TIMP3: variants seen among roughly 807,000 people sequenced by gnomAD.
The protein encoded by TIMP3 is metalloproteinase inhibitor 3.
A neutral mutation model predicts 30.0 loss-of-function variants in TIMP3; 11 were observed. That is an observed-to-expected ratio of 0.37 (90% confidence interval 0.23 to 0.61). TIMP3 has a LOEUF of 0.61. TIMP3 is among the 20% of genes least tolerant of loss of function. The probability of loss-of-function intolerance (pLI) is 0.70; values close to 1 mark genes in which losing one functional copy is unlikely to be tolerated. For synonymous variants in TIMP3, 112 were observed against 111.3 expected, an observed-to-expected ratio of 1.01 and a Z score of -0.04; for missense variants, 181 against 276.8, an observed-to-expected ratio of 0.65 and a Z score of 2.45.
At chr22:32,822,396 C>T (rs941237124) in intron 1 of TIMP3, among the ~76,000 whole-genome samples, 3 of 152,172 alleles carry the variant, frequency 2.0e-5, no homozygotes, top group African/African-American at 4.8e-5. Context: ...CTGGGACTTG[C>T]ACTTCCTATC....
intron 1 of TIMP3, among the ~76,000 whole-genome samples, chr22:32,814,107 CGTGTGTGTGTGT>C (rs130279): frequency 1.8e-4 from 18 of 97,724 alleles, no homozygotes; most frequent in Middle Eastern, 5.2e-3. Flanking sequence ...AGGCAATACT[CGTGTGTGTGTGT>C]GTGTGTGTGT....
At chr22:32,854,163 A>G (rs993279694) in intron 2 of TIMP3, among the ~76,000 whole-genome samples, 1 of 152,214 alleles carries the variant, frequency 6.6e-6, no homozygotes, top group African/African-American at 2.4e-5. Flanking sequence ...ATTACACAGA[A>G]AACACAACTG....
chr22:32,852,192 TA>T (rs2048236992), intron 2 of TIMP3, among the ~76,000 whole-genome samples: 1 of 152,188 alleles, frequency 6.6e-6, no homozygotes, highest in African/African-American at 2.4e-5. Context: ...ATATAACTGT[TA>T]AGATTATATG....
At chr22:32,842,280 T>C (rs190840650) in intron 1 of TIMP3, among the ~76,000 whole-genome samples, 278 of 152,268 alleles carry the variant, frequency 1.8e-3, no homozygotes, top group Non-Finnish European at 3.2e-3. Context: ...AGGGTTTTTT[T>C]GGGAGTTGGG....
At position 32,809,540 on chromosome 22, in the gene TIMP3, A is replaced by T. The variant is rs12157908; in HGVS notation, c.121+7418A>T. Among the ~76,000 whole-genome samples, 96 of 152,226 alleles carry T rather than the reference A, an allele frequency of 6.3e-4. 1 individual carries two copies. Among genetic ancestry groups the T allele is most frequent in the African/African-American group, 2.2e-3 (93 of 41,550 alleles). On this transcript the variant is annotated intron_variant, in intron 1 of 4. Coordinates refer to ENST00000266085, the MANE Select transcript of TIMP3 (RefSeq NM_000362.5). ...ACTTTTCAACACTATGGAATTTTTT[A>T]AAATTAATTTTTCCCTCCAATAAGT...
chr22:32,849,420 T>C (rs373242482), intron 1 of TIMP3, 32 bp from the exon 2 acceptor site: 8 of 1,605,866 alleles, frequency 5.0e-6, no homozygotes, highest in Non-Finnish European at 6.0e-6. Context: ...CAGGCCTTCC[T>C]AACCTCTTAT....
chr22:32,859,297 C>T lies in TIMP3; in HGVS notation c.556C>T (p.Arg186Trp), dbSNP rs200592407. ...GYQSKHYACI[R>W]QKGGYCSWYR... Reference sequence around the variant, plus strand: ...CCAGTCCAAACACTACGCCTGCATCCGGCAGAAGGGCGGCTACTGCAGCTG... The same window carrying T: ...CCAGTCCAAACACTACGCCTGCATCTGGCAGAAGGGCGGCTACTGCAGCTG... The change falls in exon 5 of 5, where the codon CGG (arginine) becomes TGG (tryptophan). Residue 186 changes from arginine (R) to tryptophan (W), a missense_variant. Coordinates refer to ENST00000266085, the MANE Select transcript of TIMP3 (RefSeq NM_000362.5). 24 of 1,614,152 alleles carry T rather than the reference C, an allele frequency of 1.5e-5. No individual in the cohort carries two copies. Among genetic ancestry groups the T allele is most frequent in the Middle Eastern group, 1.6e-4 (1 of 6,062 alleles).
rs1312057212 is a variant in TIMP3 at position 32,860,230 on chromosome 22, C to T, written c.*853C>T. The T allele has an allele frequency of 6.6e-6, 1 of 152,290 alleles. No individual in the cohort carries two copies. 9.4% of individuals were successfully genotyped at this position (152,290 alleles called of 1,614,324 possible). A position where few individuals can be genotyped will look rare whatever the true frequency, so the allele number is the denominator to read the frequency against. ...TCCCACCAGACTTCCTCCTGGAAAA[C>T]GCTTTGGTAGATTTGGCCAGGAGCT... On this transcript the variant is annotated 3_prime_UTR_variant, in exon 5 of 5. Coordinates refer to ENST00000266085, the MANE Select transcript of TIMP3 (RefSeq NM_000362.5).
chr22:32,807,364 T>A lies in TIMP3; in HGVS notation c.121+5242T>A, dbSNP rs1260847857. ...TAATATATAAATATATAATATATAA[T>A]ATATATTATATATAATATATATTAT... On this transcript the variant is annotated intron_variant, in intron 1 of 4. Transcript: ENST00000266085. Among the ~76,000 whole-genome samples the A allele has an allele frequency of 2.8e-4, 21 of 74,664 alleles. No homozygotes were observed. In the East Asian group the frequency reaches 5.6e-3, roughly 20 times the overall value. The allele number at this position is 74,664 out of a possible 152,430, so 49.0% of individuals were successfully genotyped here.
intron 1 of TIMP3, among the ~76,000 whole-genome samples, chr22:32,807,388 A>ATATATAATATATAT (rs1569239882): frequency 9.8e-6 from 1 of 101,666 alleles, no homozygotes; most frequent in African/African-American, 4.0e-5. Context: ...AATATATATT[A>ATATATAATATATAT]TATATAATAT....
intron 1 of TIMP3, among the ~76,000 whole-genome samples, chr22:32,807,304 A>ATG (rs1256730317): frequency 7.0e-5 from 9 of 129,186 alleles, no homozygotes; most frequent in Non-Finnish European, 1.4e-4. Flanking sequence ...ATATATATAT[A>ATG]TAAATATATA....
intron 1 of TIMP3, among the ~76,000 whole-genome samples, chr22:32,820,353 C>CGTGTGT (rs35230068): frequency 2.9e-4 from 41 of 141,782 alleles, no homozygotes; most frequent in East Asian, 2.1e-3. Context: ...CATTCCACTG[C>CGTGTGT]GTGTGTGTGT....
chr22:32,834,467 C>T (rs1356883628), intron 1 of TIMP3, among the ~76,000 whole-genome samples: 1 of 152,066 alleles, frequency 6.6e-6, no homozygotes, highest in East Asian at 1.9e-4. Flanking sequence ...CCGGCCAAGC[C>T]CACCTTTTGA....
rs9621578 is a variant in TIMP3, at chr22:32,862,028, T to G, written c.*2651T>G. On this transcript the variant is annotated 3_prime_UTR_variant, in exon 5 of 5. Transcript: ENST00000266085. ...AGCTAGACTGGTGAATTGGGGGAAA[T>G]AGAAGGAACTAGTAACTGAGACTCC... 1 of 152,422 alleles carries G rather than the reference T, an allele frequency of 6.6e-6. No individual in the cohort carries two copies. Among genetic ancestry groups the G allele is most frequent in the Non-Finnish European group, 1.5e-5 (1 of 68,014 alleles). The allele number at this position is 152,422 out of a possible 1,614,324, so 9.4% of individuals were successfully genotyped here. A position where few individuals can be genotyped will look rare whatever the true frequency, so the allele number is the denominator to read the frequency against.
chr22:32,854,660 AG>A (rs2048313993), intron 2 of TIMP3, among the ~76,000 whole-genome samples: 1 of 152,148 alleles, frequency 6.6e-6, no homozygotes, highest in Non-Finnish European at 1.5e-5. Context: ...AAGGCTAGAG[AG>A]GCACCATTCA....
intron 1 of TIMP3, among the ~76,000 whole-genome samples, chr22:32,822,908 AAAC>A (rs201183941): frequency 3.7e-3 from 561 of 150,052 alleles, no homozygotes; most frequent in African/African-American, 0.01. Context: ...AATTTGTTAA[AAAC>A]AACAACAACA....
intron 1 of TIMP3, among the ~76,000 whole-genome samples, chr22:32,809,946 C>T (rs867960321): frequency 2.6e-5 from 4 of 152,216 alleles, no homozygotes; most frequent in South Asian, 4.1e-4. Flanking sequence ...TGTCACTTCT[C>T]CCTGTTACCC....
chr22:32,844,208 G>A (rs1298462179), intron 1 of TIMP3, among the ~76,000 whole-genome samples: 1 of 152,130 alleles, frequency 6.6e-6, no homozygotes, highest in East Asian at 1.9e-4. Flanking sequence ...GTTGGATGGG[G>A]GATAGAAGCA....
At chr22:32,843,366 A>T (rs1010101492) in intron 1 of TIMP3, among the ~76,000 whole-genome samples, 2 of 152,236 alleles carry the variant, frequency 1.3e-5, no homozygotes, top group Admixed American at 1.3e-4. Context: ...ATGGGTGAGC[A>T]GCTGGAAGAG....
Sources: allele counts gnomAD v4.1 joint callset (sites outside exome capture counted in the v4.1 genomes callset), GRCh38; gene constraint gnomAD v4.1.1; transcripts MANE v1.5; gene names NCBI Gene and HGNC (gene_info 2026-07-23, HGNC 2026-07-21).